COL5A2: variants seen among roughly 807,000 people sequenced by gnomAD.
COL5A2 encodes collagen type V alpha 2 chain, also known as collagen alpha-2(V) chain.
A neutral mutation model predicts 208.2 loss-of-function variants in COL5A2; 23 were observed. The ratio of observed to expected loss-of-function variants is 0.11; its 90% CI spans 0.08 to 0.16. The LOEUF (loss-of-function observed/expected upper bound fraction) is 0.16, where lower values mean the gene tolerates loss of function less well. COL5A2 is among the 10% of genes least tolerant of loss of function. The pLI is 1.00. For synonymous variants in COL5A2, 625 were observed against 628.5 expected (o/e 0.99, Z 0.08); for missense variants, 1,590 against 1,956.4 (o/e 0.81, Z 3.53).
At chr2:189,292,233 CT>C in the COL5A2 span, among the ~76,000 whole-genome samples, 1 of 152,252 alleles carries the variant, frequency 6.6e-6, no homozygotes, top group Admixed American at 6.5e-5. Context: ...TGATAATTTA[CT>C]TTTGAAGTGA....
chr2:189,254,419 T>A, the COL5A2 span, among the ~76,000 whole-genome samples: 1 of 152,202 alleles, frequency 6.6e-6, no homozygotes, highest in South Asian at 2.1e-4. Context: ...CGGCCAGTGA[T>A]CTAAACCACC....
chr2:189,176,701 CCACACGCACACA>C (rs896945559), intron 1 of COL5A2, among the ~76,000 whole-genome samples: 2 of 150,694 alleles, frequency 1.3e-5, no homozygotes, highest in Non-Finnish European at 3.0e-5. Flanking sequence ...CACACTCTCA[CCACACGCACACA>C]CACACGCACA....
chr2:189,241,471 C>T, the COL5A2 span, among the ~76,000 whole-genome samples: 5 of 152,254 alleles, frequency 3.3e-5, no homozygotes, highest in South Asian at 8.3e-4. Flanking sequence ...GGATTTTCCA[C>T]GATTATCCTA....
the COL5A2 span, among the ~76,000 whole-genome samples, chr2:189,279,961 GC>G: frequency 6.6e-6 from 1 of 152,022 alleles, no homozygotes; most frequent in Non-Finnish European, 1.5e-5. Context: ...TGAGGGTGGA[GC>G]CCTCATGAAT....
At chr2:189,126,716 A>AT (rs1448346919) in intron 1 of COL5A2, among the ~76,000 whole-genome samples, 2 of 152,140 alleles carry the variant, frequency 1.3e-5, no homozygotes, top group Non-Finnish European at 2.9e-5. Context: ...AGTAAATGAA[A>AT]TATATGCAGT....
At chr2:189,328,538 C>G in the COL5A2 span, among the ~76,000 whole-genome samples, 1 of 152,274 alleles carries the variant, frequency 6.6e-6, no homozygotes, top group Non-Finnish European at 1.5e-5. Context: ...TTAATTCTCC[C>G]CTTCCATGTG....
intron 1 of COL5A2, among the ~76,000 whole-genome samples, chr2:189,146,414 G>A (rs1688041107): frequency 1.3e-5 from 2 of 152,050 alleles, no homozygotes. Flanking sequence ...TAGACATACA[G>A]AATGCACATT....
chr2:189,305,077 A>G, the COL5A2 span, among the ~76,000 whole-genome samples: 26 of 152,332 alleles, frequency 1.7e-4, no homozygotes, highest in African/African-American at 6.3e-4. Context: ...AAAAGCTAAC[A>G]GCAATTTTTA....
the COL5A2 span, among the ~76,000 whole-genome samples, chr2:189,393,230 CT>C: frequency 1.3e-5 from 2 of 151,844 alleles, no homozygotes; most frequent in Non-Finnish European, 2.9e-5. Flanking sequence ...TGACTTCATT[CT>C]GTATGTCTAA....
intron 1 of COL5A2, among the ~76,000 whole-genome samples, chr2:189,134,354 C>T (rs190729425): frequency 1.3e-5 from 2 of 152,296 alleles, no homozygotes; most frequent in African/African-American, 4.8e-5. Flanking sequence ...CTTTGGGAGG[C>T]CAAGGCAGGT....
At chr2:189,067,685 C>T (rs917735191) in intron 21 of COL5A2, among the ~76,000 whole-genome samples, 1 of 152,080 alleles carries the variant, frequency 6.6e-6, no homozygotes, top group East Asian at 1.9e-4. Flanking sequence ...ATTGAAGCTC[C>T]ATATTCCTCA....
intron 1 of COL5A2, among the ~76,000 whole-genome samples, chr2:189,162,031 T>G (rs1214339907): frequency 6.6e-6 from 1 of 152,188 alleles, no homozygotes; most frequent in Non-Finnish European, 1.5e-5. Context: ...TGTAGCGGAA[T>G]GACTTCTCAG....
chr2:189,190,153 G>T (rs1688905293), intron 1 of COL5A2, among the ~76,000 whole-genome samples: 1 of 152,060 alleles, frequency 6.6e-6, no homozygotes, highest in Non-Finnish European at 1.5e-5. Context: ...ACTAAAGCAG[G>T]TTTCATTCAC....
At chr2:189,067,661 C>T (rs574493567) in intron 21 of COL5A2, among the ~76,000 whole-genome samples, 23 of 152,218 alleles carry the variant, frequency 1.5e-4, no homozygotes, top group Non-Finnish European at 4.4e-5. Flanking sequence ...GCCTAATTGT[C>T]ATTATAAATT....
rs13383261 is a variant in COL5A2, at chr2:189,049,022, T to C, written c.3147+325A>G. ...AAACTTGGCAATTTTGATAAATATG[T>C]CATTACAAAATGAAATAATAACAAG... On this transcript the variant is annotated intron_variant, in intron 44 of 53. Transcript: ENST00000374866. Among the ~76,000 whole-genome samples, 23,417 of 136,760 alleles carry C rather than the reference T, an allele frequency of 0.17. 1,786 individuals are homozygous for C. The highest frequency in any genetic ancestry group is 0.23 in the Middle Eastern group (59 of 262). 89.7% of individuals were successfully genotyped at this position (136,760 alleles called of 152,430 possible).
chr2:189,095,955 T>C (rs1366855971), intron 6 of COL5A2: 2 of 148,866 alleles, frequency 1.3e-5, no homozygotes, highest in African/African-American at 4.9e-5. Context: ...CCCCAAGATA[T>C]GGCCAATCTC....
the COL5A2 span, among the ~76,000 whole-genome samples, chr2:189,244,368 A>G: frequency 6.6e-6 from 1 of 152,158 alleles, no homozygotes; most frequent in African/African-American, 2.4e-5. Flanking sequence ...CTTCTGCCAG[A>G]TACCCTAAAT....
chr2:189,180,916 A>G (rs1025026584), upstream of COL5A2, among the ~76,000 whole-genome samples: 2 of 152,186 alleles, frequency 1.3e-5, no homozygotes, highest in African/African-American at 4.8e-5. Context: ...TGGATGTTCT[A>G]TACAATACAA....
At chr2:189,369,482 T>C in the COL5A2 span, among the ~76,000 whole-genome samples, 1 of 152,276 alleles carries the variant, frequency 6.6e-6, no homozygotes, top group East Asian at 1.9e-4. Flanking sequence ...TGCTAATCTC[T>C]ATCTTTTAAC....
Sources: gnomAD v4.1 joint callset for allele counts (sites outside exome capture counted in the v4.1 genomes callset) on GRCh38, gnomAD v4.1.1 for gene constraint, MANE v1.5 for transcripts, NCBI Gene and HGNC (gene_info 2026-07-23, HGNC 2026-07-21) for gene names.